Variants in CIDEC observed in about 807,000 individuals in gnomAD.
CIDEC encodes cell death inducing DFFA like effector c.
CIDEC carries 11 observed loss-of-function variants against 21.9 expected under a neutral mutation model. That is an observed-to-expected ratio of 0.50 (90% CI 0.32 to 0.83). The LOEUF (loss-of-function observed/expected upper bound fraction) is 0.83, where lower values mean the gene tolerates loss of function less well. CIDEC is among the 40% of genes least tolerant of loss of function. CIDEC has a pLI of 0.04. For synonymous variants in CIDEC, 127 were observed against 124.9 expected (o/e 1.02, Z -0.11); for missense variants, 302 against 302.3 (o/e 1.00, Z 0.01).
At chr3:9,870,503 A>T in intron 4 of CIDEC, 181 bp from the exon 5 acceptor site, 2 of 1,502,826 alleles carry the variant, frequency 1.3e-6, no homozygotes, top group South Asian at 2.4e-5. Context: ...ATAAAATATA[A>T]TGTAAGTCAC....
chr3:9,869,876 G>T lies in CIDEC; in HGVS notation c.554+6C>A. The T allele has an allele frequency of 1.2e-6, 2 of 1,612,152 alleles. No homozygotes were observed. The highest frequency in any genetic ancestry group is 1.7e-6 in the Non-Finnish European group (2 of 1,179,692). ...CCCTGTCCCCAGGAAATCCCAATTT[G>T]CTCACTTCATGATGCGCTTGGCCCC... On this transcript the variant is annotated splice_donor_region_variant and intron_variant, in intron 6 of 6. Coordinates refer to ENST00000336832, the MANE Select transcript of CIDEC (RefSeq NM_001321142.2).
intron 1 of CIDEC, among the ~76,000 whole-genome samples, chr3:9,879,769 A>C (rs2082479479): frequency 6.6e-6 from 1 of 151,808 alleles, no homozygotes; most frequent in Non-Finnish European, 1.5e-5. Flanking sequence ...TTCTTAGACC[A>C]CTCCCAAAAT....
chr3:9,872,966 G>C (rs2082369591), intron 4 of CIDEC, among the ~76,000 whole-genome samples: 1 of 152,200 alleles, frequency 6.6e-6, no homozygotes, highest in South Asian at 2.1e-4. Context: ...TCCAGCCTGG[G>C]TGACAGAGGA....
chr3:9,870,115 C>G lies in CIDEC; in HGVS notation c.367-46G>C, dbSNP rs138339147. 8,843 of 1,614,048 alleles carry G rather than the reference C, an allele frequency of 5.5e-3. 94 individuals carry two copies. Among genetic ancestry groups the G allele is most frequent in the Admixed American group, 0.042 (2,535 of 60,016 alleles). On this transcript the variant is annotated intron_variant, in intron 5 of 6. Coordinates refer to ENST00000336832, the MANE Select transcript of CIDEC (RefSeq NM_001321142.2). ...GGTTAGCACCCCTTGAAGACATCTC[C>G]CAGAGTCCCGATTTTCTCCCCCATC...
In CIDEC at chr3:9,873,623, C is replaced by CA. The variant is rs570208620; in HGVS notation, c.208-3302dup. 2.0e-3 allele frequency among the ~76,000 whole-genome samples: 282 copies of CA among 144,348 alleles called. 2 individuals are homozygous for CA. The highest frequency in any genetic ancestry group is 6.0e-3 in the African/African-American group (239 of 39,590). The allele number at this position is 144,348 out of a possible 152,430, so 94.7% of individuals were successfully genotyped here. ...AGAGTGAGACTCCGTCTCACCGTCT[C>CA]AAAAAAAAAAAGTGTCATGACACTT... On this transcript the variant is annotated intron_variant, in intron 4 of 6. Coordinates refer to ENST00000336832, the MANE Select transcript of CIDEC (RefSeq NM_001321142.2).
chr3:9,874,675 T>C (rs1012918527), intron 4 of CIDEC, among the ~76,000 whole-genome samples: 1 of 152,156 alleles, frequency 6.6e-6, no homozygotes, highest in Non-Finnish European at 1.5e-5. Flanking sequence ...TACCACTTTA[T>C]TCAAATAATC....
intron 1 of CIDEC, among the ~76,000 whole-genome samples, chr3:9,879,761 C>A (rs777799004): frequency 6.6e-6 from 1 of 152,162 alleles, no homozygotes; most frequent in Non-Finnish European, 1.5e-5. Flanking sequence ...GGAAAGTCTT[C>A]TTAGACCACT....
chr3:9,878,253 A>G (rs2082455061), intron 3 of CIDEC, 181 bp downstream of exon 3: 1 of 658,716 alleles, frequency 1.5e-6, no homozygotes, highest in South Asian at 1.7e-5. Context: ...AAGCAGCAGC[A>G]TTAATATCAC....
At chr3:9,879,807 G>C (rs770810807) in intron 1 of CIDEC, among the ~76,000 whole-genome samples, 19 of 152,150 alleles carry the variant, frequency 1.2e-4, no homozygotes, top group Admixed American at 6.6e-5. Flanking sequence ...GCTCTTCCTA[G>C]CCAAGGGTGC....
chr3:9,871,590 C>A (rs1050343293), intron 4 of CIDEC, among the ~76,000 whole-genome samples: 11 of 152,014 alleles, frequency 7.2e-5, no homozygotes, highest in Non-Finnish European at 1.6e-4. Flanking sequence ...TACATCCTCA[C>A]TGATGCTTTC....
chr3:9,878,495 G>A lies in CIDEC; in HGVS notation c.-9C>T, dbSNP rs145181634. On this transcript the variant is annotated 5_prime_UTR_variant, in exon 3 of 7. Transcript: ENST00000336832. ...TTCATGGCGTATTCCATCCTTGTCA[G>A]CTGGACTGCGTTGGACCTGGGAAGG... 3.8e-5 allele frequency: 61 copies of A among 1,613,846 alleles called. No homozygotes were observed. The African/African-American group carries it at 6.8e-4, about 18-fold the overall frequency.
chr3:9,880,037 C>G (rs1243948889), intron 1 of CIDEC, among the ~76,000 whole-genome samples, 187 bp downstream of exon 1: 1 of 151,790 alleles, frequency 6.6e-6, no homozygotes, highest in Non-Finnish European at 1.5e-5. Flanking sequence ...CAGAAAGCCC[C>G]TTTCCCACTT....
intron 6 of CIDEC, among the ~76,000 whole-genome samples, chr3:9,869,001 G>A (rs79362648): frequency 0.032 from 4,835 of 152,046 alleles, 247 homozygotes; most frequent in African/African-American, 0.11. Context: ...GCGCACACAC[G>A]GGCGTGTGAT....
intron 1 of CIDEC, among the ~76,000 whole-genome samples, chr3:9,879,307 A>G (rs1431096627): frequency 1.3e-5 from 2 of 151,822 alleles, no homozygotes; most frequent in East Asian, 3.9e-4. Context: ...ACCTGCCACC[A>G]CGCCCAGCTA....
At chr3:9,870,352 C>T in intron 4 of CIDEC, 30 bp from the exon 5 acceptor site, 1 of 1,608,852 alleles carries the variant, frequency 6.2e-7, no homozygotes, top group East Asian at 2.2e-5. Context: ...ATGCTTCTGC[C>T]ATCCCAGAAC....
At chr3:9,871,080 G>A (rs1404752976) in intron 4 of CIDEC, among the ~76,000 whole-genome samples, 1 of 150,794 alleles carries the variant, frequency 6.6e-6, no homozygotes, top group Non-Finnish European at 1.5e-5. Flanking sequence ...GAGTTTTTGT[G>A]TACAAGTTTT....
chr3:9,870,086 A>C lies in CIDEC; in HGVS notation c.367-17T>G. On this transcript the variant is annotated splice_polypyrimidine_tract_variant and intron_variant, in intron 5 of 6. Transcript: ENST00000336832. Reference sequence around the variant, plus strand: ...CCTTGTCCCCTGCATTGAGACAAGCAAATGGTTAGCACCCCTTGAAGACAT... The same window carrying C: ...CCTTGTCCCCTGCATTGAGACAAGCCAATGGTTAGCACCCCTTGAAGACAT... 1.2e-6 allele frequency: 2 copies of C among 1,614,154 alleles called. No individual in the cohort carries two copies. The highest frequency in any genetic ancestry group is 1.7e-6 in the Non-Finnish European group (2 of 1,179,990).
Position 9,867,314 on chromosome 3 carries a change from G to A in CIDEC, c.555-18C>T, listed in dbSNP as rs1175154857. ...AAGCTTCCCTGGGTGGAATGAGAGG[G>A]CACGCAAGTCAAAACCACGAAGTAG... On this transcript the variant is annotated intron_variant, in intron 6 of 6. Transcript: ENST00000336832. 4 of 1,613,670 alleles carry A rather than the reference G, an allele frequency of 2.5e-6. No homozygotes were observed. The highest frequency in any genetic ancestry group is 3.3e-5 in the Admixed American group (2 of 59,962).
intron 4 of CIDEC, among the ~76,000 whole-genome samples, chr3:9,870,718 C>T (rs1318403512): frequency 2.0e-5 from 3 of 152,172 alleles, no homozygotes; most frequent in Non-Finnish European, 4.4e-5. Context: ...TAGCTCATTG[C>T]AGCCTCCAAC....
Sources: allele counts gnomAD v4.1 joint callset (sites outside exome capture counted in the v4.1 genomes callset), GRCh38; gene constraint gnomAD v4.1.1; transcripts MANE v1.5; gene names NCBI Gene and HGNC (gene_info 2026-07-23, HGNC 2026-07-21).